Variants in NDST1 observed in about 807,000 individuals in gnomAD.
NDST1 encodes N-deacetylase and N-sulfotransferase 1, also known as bifunctional heparan sulfate N-deacetylase/N-sulfotransferase 1.
NDST1 carries 35 observed loss-of-function variants against 92.8 expected under a neutral mutation model. That is an observed-to-expected ratio of 0.38 (90% CI 0.29 to 0.50). NDST1 has a LOEUF of 0.50. Among genes scored for constraint, NDST1 ranks in the 20% least tolerant of loss-of-function variants. The pLI is 0.94. For synonymous variants in NDST1, 493 were observed against 500.3 expected (o/e 0.99, Z 0.19); for missense variants, 822 against 1,182.7 (o/e 0.69, Z 4.47).
intron 13 of NDST1, among the ~76,000 whole-genome samples, chr5:150,550,072 G>A (rs894807414): frequency 1.5e-4 from 23 of 151,592 alleles, no homozygotes; most frequent in Non-Finnish European, 2.2e-4. Flanking sequence ...GTAATGAGCA[G>A]CCCTAATTCC....
rs770142868 is a variant in NDST1, at chr5:150,521,625, C to T, written c.371C>T (p.Thr124Met). The T allele has an allele frequency of 6.8e-6, 11 of 1,613,954 alleles. No homozygotes were observed. Among genetic ancestry groups the T allele is most frequent in the East Asian group, 4.5e-5 (2 of 44,884 alleles). The change falls in exon 2 of 15, where the codon ACG becomes ATG. Residue 124 changes from threonine to methionine, a missense_variant. Transcript: ENST00000261797. The surrounding 1 kb of genome is among the most constrained non-coding windows in gnomAD (Gnocchi z 5.9). Reference protein sequence around the residue: ...EIAPGKGDMPTLTDKGRGRFA... With the variant: ...EIAPGKGDMPMLTDKGRGRFA... ...GCGCCGGGCAAGGGTGACATGCCCA[C>T]GCTCACTGACAAGGGCCGTGGCCGC...
intron 8 of NDST1, 59 bp downstream of exon 8, chr5:150,540,323 G>A (rs1041621087): frequency 1.3e-6 from 2 of 1,520,138 alleles, no homozygotes; most frequent in African/African-American, 1.4e-5. Flanking sequence ...CCACTCACAG[G>A]CACACACTCC....
chr5:150,505,842 C>T (rs60543993), upstream of NDST1, among the ~76,000 whole-genome samples: 3,405 of 152,126 alleles, frequency 0.022, 129 homozygotes, highest in African/African-American at 0.077. Context: ...TGCCATAGTG[C>T]AGTTGTAGCT....
intron 1 of NDST1, among the ~76,000 whole-genome samples, chr5:150,517,669 G>A (rs779201079): frequency 3.1e-4 from 47 of 152,150 alleles, no homozygotes; most frequent in Non-Finnish European, 5.0e-4. Flanking sequence ...TCTGGCAACC[G>A]TGTGCATTTT....
At chr5:150,535,487 G>A in intron 5 of NDST1, 1 of 816,220 alleles carries the variant, frequency 1.2e-6, no homozygotes, top group Non-Finnish European at 1.5e-6. Context: ...GGAGACCTGG[G>A]TTCTAATCCC....
chr5:150,505,423 G>A (rs1254253923), upstream of NDST1, among the ~76,000 whole-genome samples: 1 of 152,184 alleles, frequency 6.6e-6, no homozygotes, highest in Admixed American at 6.5e-5. Flanking sequence ...ATGCTGGTTC[G>A]AATCTCAGCT....
chr5:150,500,524 A>G (rs961230267), intron 1 of NDST1, among the ~76,000 whole-genome samples: 8 of 152,212 alleles, frequency 5.3e-5, no homozygotes, highest in Non-Finnish European at 1.0e-4. Context: ...GGCAGGTGCC[A>G]GTGTCTGGGT....
chr5:150,546,055 T>C (rs1755469334), intron 11 of NDST1, among the ~76,000 whole-genome samples: 2 of 141,910 alleles, frequency 1.4e-5, no homozygotes. Context: ...TGGAGTGCAG[T>C]GGCCTGATCT....
intron 9 of NDST1, 39 bp downstream of exon 9, chr5:150,541,705 C>A: frequency 6.3e-7 from 1 of 1,580,620 alleles, no homozygotes; most frequent in Non-Finnish European, 8.7e-7. Flanking sequence ...CCCCAACTGC[C>A]TGCTGTCTCA....
rs564013259 is a variant in NDST1, at chr5:150,522,123, A to G, written c.513+356A>G. On this transcript the variant is annotated intron_variant, in intron 2 of 14. Coordinates refer to ENST00000261797, the MANE Select transcript of NDST1 (RefSeq NM_001543.5). ...TCCCCTAGGGAGGGCGTGTGCACCC[A>G]TTTTTCAGATGAGCAAACCAAGGCT... Among the ~76,000 whole-genome samples the G allele has an allele frequency of 2.0e-5, 3 of 152,206 alleles. No homozygotes were observed. The South Asian group carries it at 6.2e-4, about 32-fold the overall frequency.
intron 6 of NDST1, among the ~76,000 whole-genome samples, chr5:150,537,692 T>C (rs1755055324): frequency 6.6e-6 from 1 of 152,228 alleles, no homozygotes; most frequent in Non-Finnish European, 1.5e-5. Flanking sequence ...TGATATTTTA[T>C]TACATTGGGA....
chr5:150,518,006 C>T (rs1331368800), intron 1 of NDST1, among the ~76,000 whole-genome samples: 1 of 152,234 alleles, frequency 6.6e-6, no homozygotes, highest in South Asian at 2.1e-4. Flanking sequence ...AATGGGACAC[C>T]TGGGTACCCT....
At chr5:150,511,173 T>C (rs377527317) in intron 1 of NDST1, among the ~76,000 whole-genome samples, 27 of 152,334 alleles carry the variant, frequency 1.8e-4, no homozygotes, top group African/African-American at 5.8e-4. Context: ...AACGCAGACA[T>C]GGCATGTCTC....
At chr5:150,550,009 C>T (rs566368025) in intron 13 of NDST1, among the ~76,000 whole-genome samples, 46 of 152,060 alleles carry the variant, frequency 3.0e-4, no homozygotes, top group African/African-American at 1.0e-3. Flanking sequence ...GGGGTCTTCT[C>T]TTTGGTCTGG....
At chr5:150,520,212 A>G (rs1357586668) in intron 1 of NDST1, among the ~76,000 whole-genome samples, 1 of 152,214 alleles carries the variant, frequency 6.6e-6, no homozygotes, top group African/African-American at 2.4e-5. Flanking sequence ...CTGGTGTTAC[A>G]GATTAGCTCA....
chr5:150,515,398 C>T (rs1208904343), intron 1 of NDST1, among the ~76,000 whole-genome samples: 1 of 152,250 alleles, frequency 6.6e-6, no homozygotes, highest in Non-Finnish European at 1.5e-5. Context: ...CCAAAGAGCA[C>T]AGTCTGCATT....
intron 6 of NDST1, 116 bp from the exon 7 acceptor site, chr5:150,539,112 C>G: frequency 1.2e-6 from 1 of 848,288 alleles, no homozygotes. Context: ...GGCTGTGCGA[C>G]CACATGGAGA....
rs1485325726 is a variant in NDST1, at chr5:150,555,197, T to A, written c.*1865T>A. The A allele has an allele frequency of 1.3e-5, 2 of 152,756 alleles. No homozygotes were observed. Among genetic ancestry groups the A allele is most frequent in the African/African-American group, 4.8e-5 (2 of 41,460 alleles). 9.5% of individuals were successfully genotyped at this position (152,756 alleles called of 1,614,324 possible). ...GACCCTACTCTGTGCCAGGTTCCTG[T>A]CCCTTCCTCCGTCACAGCATGGTCA... is the stretch of plus-strand genomic sequence containing the variant. On this transcript the variant is annotated 3_prime_UTR_variant, in exon 15 of 15. Coordinates refer to ENST00000261797, the MANE Select transcript of NDST1 (RefSeq NM_001543.5).
chr5:150,530,494 C>T (rs181736767), intron 3 of NDST1, among the ~76,000 whole-genome samples: 29 of 151,946 alleles, frequency 1.9e-4, no homozygotes, highest in Admixed American at 1.1e-3. Flanking sequence ...GATCAGGTTC[C>T]TGGGCTCACT....
Sources: gnomAD v4.1 joint callset for allele counts (sites outside exome capture counted in the v4.1 genomes callset) on GRCh38, gnomAD v4.1.1 for gene constraint, Gnocchi (gnomAD v3.1) non-coding constraint, MANE v1.5 for transcripts, NCBI Gene and HGNC (gene_info 2026-07-23, HGNC 2026-07-21) for gene names.